Variants in FAM178B observed in about 807,000 individuals in gnomAD.
FAM178B encodes protein FAM178B.
A neutral mutation model predicts 91.7 loss-of-function variants in FAM178B; 82 were observed. The ratio of observed to expected loss-of-function variants is 0.89; its 90% confidence interval spans 0.75 to 1.07. The LOEUF (loss-of-function observed/expected upper bound fraction) is 1.07. Ranked by LOEUF, FAM178B falls within the 50% of genes least tolerant of loss-of-function variation. The pLI is 0.00. For missense variants in FAM178B, 769 were observed against 846.7 expected (o/e 0.91, Z 1.14); for synonymous variants, 368 against 359.4 (o/e 1.02, Z -0.27).
At chr2:96,908,637 G>A (rs2081098003) in intron 12 of FAM178B, among the ~76,000 whole-genome samples, 1 of 152,202 alleles carries the variant, frequency 6.6e-6, no homozygotes, top group Admixed American at 6.5e-5. Flanking sequence ...GGGCCTGATG[G>A]GGCTTCTGGG....
At chr2:96,931,705 C>T (rs568397378) in intron 8 of FAM178B, among the ~76,000 whole-genome samples, 26 of 152,218 alleles carry the variant, frequency 1.7e-4, no homozygotes, top group Admixed American at 1.3e-3. Flanking sequence ...TGCTGGCAGA[C>T]GGCAGGATGG....
Position 96,929,279 on chromosome 2 carries a change from T to C in FAM178B, c.1120A>G (p.Arg374Gly). 1 of 1,551,666 alleles carries C rather than the reference T, an allele frequency of 6.4e-7. No individual in the cohort carries two copies. The highest frequency in any genetic ancestry group is 8.7e-7 in the Non-Finnish European group (1 of 1,146,938). The change falls in exon 9 of 17, where the codon AGG (arginine) becomes GGG (glycine). Residue 374 changes from arginine to glycine, a missense_variant. Physicochemically the swap from Arg to Gly is moderately radical, Grantham distance 125. Coordinates refer to ENST00000490605, the MANE Select transcript of FAM178B (RefSeq NM_001122646.3). ...GCACCCAGGCTGTGGAATGCCTCCC[T>C]GACTTCTTGCAGTGAGGGGCACCAC... Reference protein sequence around the residue: ...HLWCPSLQEVREAFHSLGAHS... With the variant: ...HLWCPSLQEVGEAFHSLGAHS...
At position 96,893,916 on chromosome 2, in the gene FAM178B, G is replaced by A. The variant is rs1477448435; in HGVS notation, c.1776+10C>T. On this transcript the variant is annotated intron_variant, in intron 14 of 16. Transcript: ENST00000490605. The stretch of plus-strand genomic sequence containing the variant: ...TGGTGGAGGCAGGCGGGTGCTGGGT[G>A]CTCACTCACCTTGTGGTCTAGCTCG... The A allele has an allele frequency of 1.2e-6, 2 of 1,609,574 alleles. No homozygotes were observed. Among genetic ancestry groups the A allele is most frequent in the Non-Finnish European group, 1.7e-6 (2 of 1,177,992 alleles).
chr2:96,892,075 T>C (rs994358224), intron 14 of FAM178B, among the ~76,000 whole-genome samples: 12 of 152,116 alleles, frequency 7.9e-5, no homozygotes, highest in Non-Finnish European at 1.6e-4. Context: ...TTTTGGCTGG[T>C]GAGTGGCCCA....
chr2:96,909,955 T>C (rs1010478902), intron 12 of FAM178B, among the ~76,000 whole-genome samples: 33 of 152,216 alleles, frequency 2.2e-4, no homozygotes, highest in Admixed American at 3.3e-4. Flanking sequence ...CAGCACCTTT[T>C]GATAATGAGC....
chr2:96,960,865 C>A (rs972200256), intron 5 of FAM178B, among the ~76,000 whole-genome samples: 1 of 152,082 alleles, frequency 6.6e-6, no homozygotes, highest in Admixed American at 6.5e-5. Flanking sequence ...AGGAGAGGAG[C>A]GCTGGGTGCG....
At chr2:96,901,360 G>A (rs552507230) in intron 13 of FAM178B, among the ~76,000 whole-genome samples, 1 of 151,754 alleles carries the variant, frequency 6.6e-6, no homozygotes, top group African/African-American at 2.4e-5. Context: ...TTTTAGTAGA[G>A]ACGGGGTTTC....
At chr2:96,979,275 A>ATTTT (rs745659064) in intron 1 of FAM178B, among the ~76,000 whole-genome samples, 5 of 114,408 alleles carry the variant, frequency 4.4e-5, no homozygotes, top group Non-Finnish European at 6.8e-5. Context: ...GCGCCCAGGC[A>ATTTT]TTTTTTTTTT....
chr2:96,960,370 G>A lies in FAM178B; in HGVS notation c.805C>T (p.Leu269=), dbSNP rs1174122979. 1 of 1,551,912 alleles carries A rather than the reference G, an allele frequency of 6.4e-7. No individual in the cohort carries two copies. The part of the protein sequence containing the change: ...PPVHPGETVF[L]PRCHPLPCIL... Reference sequence around the variant, plus strand: ...CATGGCAGGGGGTGACACCTGGGCAGAAACACAGTCTCACCTGGATGGACC... The same window carrying A: ...CATGGCAGGGGGTGACACCTGGGCAAAAACACAGTCTCACCTGGATGGACC... Residue 269 remains leucine, a synonymous_variant, in exon 6 of 17, where the codon CTG becomes TTG. Transcript: ENST00000490605.
intron 7 of FAM178B, 86 bp from the exon 8 acceptor site, chr2:96,947,988 C>T (rs2081859035): frequency 5.8e-6 from 4 of 687,866 alleles, no homozygotes; most frequent in Admixed American, 2.5e-5. Flanking sequence ...TATTACTCCA[C>T]GTTAAATAAA....
chr2:96,943,835 G>A (rs566492464), intron 8 of FAM178B, among the ~76,000 whole-genome samples: 7 of 152,096 alleles, frequency 4.6e-5, no homozygotes, highest in Admixed American at 2.0e-4. Context: ...CTGATACTCC[G>A]CCCAAAGGCT....
At chr2:96,942,774 T>G (rs1329495734) in intron 8 of FAM178B, among the ~76,000 whole-genome samples, 2 of 152,194 alleles carry the variant, frequency 1.3e-5, no homozygotes, top group East Asian at 3.8e-4. Flanking sequence ...TAATAACAAA[T>G]TTAGAGTACT....
At chr2:96,931,748 C>T (rs1353775886) in intron 8 of FAM178B, among the ~76,000 whole-genome samples, 1 of 152,080 alleles carries the variant, frequency 6.6e-6, no homozygotes, top group African/African-American at 2.4e-5. Context: ...TGCCCAAGGA[C>T]ATTTCTTCGG....
intron 12 of FAM178B, among the ~76,000 whole-genome samples, chr2:96,914,080 G>A (rs543890606): frequency 2.0e-5 from 3 of 152,360 alleles, no homozygotes; most frequent in South Asian, 4.1e-4. Flanking sequence ...TCTAGTCCAC[G>A]CTCTGTTCTG....
At chr2:96,934,826 T>C (rs1285421493) in intron 8 of FAM178B, among the ~76,000 whole-genome samples, 3 of 152,198 alleles carry the variant, frequency 2.0e-5, no homozygotes, top group Admixed American at 1.3e-4. Flanking sequence ...TTCTTTCCTT[T>C]TTCTCCCCAC....
intron 14 of FAM178B, among the ~76,000 whole-genome samples, chr2:96,884,409 G>T (rs1377421650): frequency 6.6e-6 from 1 of 152,212 alleles, no homozygotes. Context: ...GAAGGATAGG[G>T]CGAGGCTGAG....
rs185388521 is a variant in FAM178B, at chr2:96,895,346, G to T, written c.1651-1295C>A. 5.8e-4 allele frequency among the ~76,000 whole-genome samples: 88 copies of T among 152,268 alleles called. 1 individual carries two copies. The highest frequency in any genetic ancestry group is 3.1e-3 in the East Asian group (16 of 5,184). On this transcript the variant is annotated intron_variant, in intron 13 of 16. Coordinates refer to ENST00000490605, the MANE Select transcript of FAM178B (RefSeq NM_001122646.3). ...CCTCCAACAGTTGGTCTGTTTGAAGGGAGATTCAACACAAGGCCCACACAC... is the reference window on the plus strand; with the variant it reads ...CCTCCAACAGTTGGTCTGTTTGAAGTGAGATTCAACACAAGGCCCACACAC...
In FAM178B at chr2:96,960,567, C is replaced by A. The variant is rs527276520; in HGVS notation, c.735-127G>T. The A allele has an allele frequency of 1.5e-5, 17 of 1,142,636 alleles. No homozygotes were observed. In the South Asian group the frequency reaches 2.0e-4, roughly 13 times the overall value. The allele number at this position is 1,142,636 out of a possible 1,614,324, so 70.8% of individuals were successfully genotyped here. A position where few individuals can be genotyped will look rare whatever the true frequency, so the allele number is the denominator to read the frequency against. On this transcript the variant is annotated intron_variant, in intron 5 of 16. Transcript: ENST00000490605. ...CTGCCTTGCAGTCCTTGCGGCAAAC[C>A]AAGGGGACAGCGCCACCTGCTGATG...
At position 96,876,075 on chromosome 2, in the gene FAM178B, G is replaced by T. The variant is rs1023099123; in HGVS notation, c.*201C>A. ...AGAGAGGCCCATCCCTTGCTGAGAG[G>T]AGAGGGGGTCGGGGCGGTGGCAGAG... On this transcript the variant is annotated 3_prime_UTR_variant, in exon 17 of 17. Coordinates refer to ENST00000490605, the MANE Select transcript of FAM178B (RefSeq NM_001122646.3). 5 of 596,622 alleles carry T rather than the reference G, an allele frequency of 8.4e-6. No individual in the cohort carries two copies. Among genetic ancestry groups the T allele is most frequent in the African/African-American group, 1.9e-5 (1 of 53,430 alleles). The allele number at this position is 596,622 out of a possible 1,614,324, so 37.0% of individuals were successfully genotyped here. A position where few individuals can be genotyped will look rare whatever the true frequency, so the allele number is the denominator to read the frequency against.
Sources: allele counts gnomAD v4.1 joint callset (sites outside exome capture counted in the v4.1 genomes callset), GRCh38; gene constraint gnomAD v4.1.1; transcripts MANE v1.5; gene names NCBI Gene and HGNC (gene_info 2026-07-23, HGNC 2026-07-21).